SDK1: variants seen among roughly 807,000 people sequenced by gnomAD.
SDK1 encodes sidekick cell adhesion molecule 1.
A neutral mutation model predicts 245.5 loss-of-function variants in SDK1; 157 were observed. That is an observed-to-expected ratio of 0.64 (90% CI 0.56 to 0.73). The LOEUF (loss-of-function observed/expected upper bound fraction) is 0.73, where lower values mean the gene tolerates loss of function less well. SDK1 is among the 30% of genes least tolerant of loss of function. The pLI is 0.00. For missense variants in SDK1, 3,583 were observed against 3,002.3 expected (o/e 1.19, Z -4.52); for synonymous variants, 1,647 against 1,278.5 (o/e 1.29, Z -6.15).
chr7:4,088,460 G>C (rs928385161), intron 22 of SDK1, among the ~76,000 whole-genome samples: 1 of 151,944 alleles, frequency 6.6e-6, no homozygotes, highest in African/African-American at 2.4e-5. Flanking sequence ...CATCAGGTAT[G>C]ACATTTACAC....
At position 3,886,021 on chromosome 7, in the gene SDK1, C is replaced by T. The variant is rs538316591; in HGVS notation, c.847+64438C>T. Among the ~76,000 whole-genome samples, 46 of 152,224 alleles carry T rather than the reference C, an allele frequency of 3.0e-4. 1 individual carries two copies. The South Asian group carries it at 3.1e-3, about 10-fold the overall frequency. On this transcript the variant is annotated intron_variant, in intron 5 of 44. Coordinates refer to ENST00000404826, the MANE Select transcript of SDK1 (RefSeq NM_152744.4). ...TTATCGAGGAGGTGATCCTAGGAGG[C>T]GGTGCCGTGCCACAGGGAAGGGAAG...
chr7:4,083,534 C>G (rs1166949511), intron 22 of SDK1, among the ~76,000 whole-genome samples: 3 of 100,800 alleles, frequency 3.0e-5, no homozygotes, highest in Non-Finnish European at 5.8e-5. Context: ...TCCTCCCTCC[C>G]TCCCTCCCTC....
intron 1 of SDK1, among the ~76,000 whole-genome samples, chr7:3,508,641 C>G (rs2128610747): frequency 6.6e-6 from 1 of 152,206 alleles, no homozygotes; most frequent in African/African-American, 2.4e-5. Context: ...CATCATCATT[C>G]TTGAGATTGC....
intron 7 of SDK1, among the ~76,000 whole-genome samples, chr7:3,956,129 GT>G (rs1275085382): frequency 6.6e-6 from 1 of 152,210 alleles, no homozygotes; most frequent in Non-Finnish European, 1.5e-5. Flanking sequence ...ATTTTCAGAA[GT>G]CCAGGGTGGA....
chr7:4,175,571 T>G (rs1191146528), intron 33 of SDK1, among the ~76,000 whole-genome samples: 32 of 152,202 alleles, frequency 2.1e-4, no homozygotes, highest in Admixed American at 2.1e-3. Flanking sequence ...CCTTGTTGTT[T>G]ACGAGGAGGT....
intron 13 of SDK1, among the ~76,000 whole-genome samples, chr7:3,986,095 C>G (rs921162874): frequency 6.6e-6 from 1 of 152,148 alleles, no homozygotes; most frequent in African/African-American, 2.4e-5. Context: ...AGGTTCAGTA[C>G]AGGGCCCGGG....
rs559710587 is a variant in SDK1 at position 4,212,504 on chromosome 7, A to C, written c.5539+2342A>C. ...GTGGGCATGGTTTTTGAACCAGCAGAGAGGGCATGGGAGGGACGGGGATTT... is the reference window on the plus strand; with the variant it reads ...GTGGGCATGGTTTTTGAACCAGCAGCGAGGGCATGGGAGGGACGGGGATTT... On this transcript the variant is annotated intron_variant, in intron 38 of 44. Transcript: ENST00000404826. Among the ~76,000 whole-genome samples the C allele has an allele frequency of 1.3e-4, 20 of 152,302 alleles. No homozygotes were observed. In the South Asian group the frequency reaches 4.1e-3, roughly 32 times the overall value.
At chr7:4,171,426 C>A (rs1236717316) in intron 32 of SDK1, among the ~76,000 whole-genome samples, 1 of 152,206 alleles carries the variant, frequency 6.6e-6, no homozygotes. Context: ...CATCTGAATT[C>A]CAGAAGAATC....
intron 17 of SDK1, among the ~76,000 whole-genome samples, chr7:4,043,830 C>A (rs1320807471): frequency 6.6e-6 from 1 of 152,052 alleles, no homozygotes; most frequent in Non-Finnish European, 1.5e-5. Context: ...CTTCGTGAAA[C>A]CCCAGAGCTA....
rs1783351300 is a variant in SDK1, at chr7:4,193,375, TA to T, written c.5099-12503del. ...ATATTTATATATATTAAAATATTTA[TA>T]TATATATATATATATATATATAAAG... On this transcript the variant is annotated intron_variant, in intron 35 of 44. Coordinates refer to ENST00000404826, the MANE Select transcript of SDK1 (RefSeq NM_152744.4). Among the ~76,000 whole-genome samples, 12 of 5,534 alleles carry T rather than the reference TA, an allele frequency of 2.2e-3. No homozygotes were observed. The South Asian group carries it at 0.054, about 25-fold the overall frequency. 3.6% of individuals were successfully genotyped at this position (5,534 alleles called of 152,430 possible).
chr7:3,574,816 C>T (rs892586208), intron 1 of SDK1, among the ~76,000 whole-genome samples: 6 of 152,062 alleles, frequency 3.9e-5, no homozygotes, highest in African/African-American at 1.4e-4. Context: ...GTGACAGAAA[C>T]TTGACTGATA....
intron 22 of SDK1, among the ~76,000 whole-genome samples, chr7:4,103,530 C>T (rs1038702446): frequency 6.6e-6 from 1 of 152,346 alleles, no homozygotes; most frequent in African/African-American, 2.4e-5. Context: ...ATTTCAGTTT[C>T]TCCCCTAGAG....
intron 5 of SDK1, among the ~76,000 whole-genome samples, chr7:3,861,178 T>C (rs10085568): frequency 0.36 from 54,364 of 152,096 alleles, 13,155 homozygotes; most frequent in African/African-American, 0.69. Flanking sequence ...TGGAAACAGT[T>C]GTAATGTTCC....
chr7:3,464,698 G>GTATATATATA (rs141577885), intron 1 of SDK1, among the ~76,000 whole-genome samples: 3,013 of 147,870 alleles, frequency 0.02, 110 homozygotes, highest in African/African-American at 0.072. Context: ...GTGTATGTAT[G>GTATATATATA]TATATATATA....
intron 28 of SDK1, among the ~76,000 whole-genome samples, chr7:4,143,853 T>C (rs1779762862): frequency 6.6e-6 from 1 of 152,216 alleles, no homozygotes. Context: ...CCTTGTCTTG[T>C]ATGCTTCCTG....
chr7:3,308,533 C>A (rs1229198522), intron 1 of SDK1, among the ~76,000 whole-genome samples: 1 of 148,620 alleles, frequency 6.7e-6, no homozygotes, highest in African/African-American at 2.5e-5. Context: ...ATTAAATAGT[C>A]CAATTTCTTG....
At chr7:4,110,398 T>G (rs891159120) in intron 22 of SDK1, among the ~76,000 whole-genome samples, 1 of 152,212 alleles carries the variant, frequency 6.6e-6, no homozygotes, top group African/African-American at 2.4e-5. Flanking sequence ...CCCAGGGGTT[T>G]CACTGTTTGG....
intron 17 of SDK1, among the ~76,000 whole-genome samples, chr7:4,018,107 G>C (rs974337293): frequency 6.6e-6 from 1 of 152,178 alleles, no homozygotes; most frequent in African/African-American, 2.4e-5. Flanking sequence ...AGCCTCATTT[G>C]TCCTACAGCA....
chr7:3,924,184 T>C (rs973577695), intron 5 of SDK1, among the ~76,000 whole-genome samples: 8 of 151,404 alleles, frequency 5.3e-5, no homozygotes, highest in African/African-American at 1.9e-4. Context: ...GGGTCTGGCA[T>C]TGGGGATGGG....
Sources: allele counts gnomAD v4.1 joint callset (sites outside exome capture counted in the v4.1 genomes callset), GRCh38; gene constraint gnomAD v4.1.1; transcripts MANE v1.5; gene names NCBI Gene and HGNC (gene_info 2026-07-23, HGNC 2026-07-21).